The following SGCZ variants were observed in gnomAD, a reference collection of about 807,000 sequenced individuals.
SGCZ encodes the protein sarcoglycan zeta, also known as zeta-sarcoglycan.
SGCZ carries 40 observed loss-of-function variants against 41.3 expected under a neutral mutation model. The ratio of observed to expected loss-of-function variants is 0.97; its 90% CI spans 0.75 to 1.26. The LOEUF (loss-of-function observed/expected upper bound fraction) is 1.26. SGCZ is among the 50% of genes most tolerant of loss of function. SGCZ has a pLI of 0.00. For synonymous variants in SGCZ, 206 were observed against 137.5 expected (o/e 1.50, Z -3.49); for missense variants, 552 against 369.8 (o/e 1.49, Z -4.04).
chr8:15,169,421 G>T (rs1171535180), intron 1 of SGCZ, among the ~76,000 whole-genome samples: 3 of 152,090 alleles, frequency 2.0e-5, no homozygotes, highest in Non-Finnish European at 4.4e-5. Flanking sequence ...TCTCTAGCAG[G>T]GACTCCAGTC....
At chr8:14,588,915 T>A (rs927592981) in intron 1 of SGCZ, among the ~76,000 whole-genome samples, 1 of 152,232 alleles carries the variant, frequency 6.6e-6, no homozygotes, top group Non-Finnish European at 1.5e-5. Flanking sequence ...TACCTCTGAC[T>A]ATGACATGGA....
intron 1 of SGCZ, among the ~76,000 whole-genome samples, chr8:14,808,564 A>G (rs1248764942): frequency 6.6e-6 from 1 of 152,198 alleles, no homozygotes; most frequent in Non-Finnish European, 1.5e-5. Context: ...GGCGATCATT[A>G]AAAAGTCAGG....
Position 14,409,767 on chromosome 8 carries a change from T to C in SGCZ, c.235-85563A>G, listed in dbSNP as rs184766207. Among the ~76,000 whole-genome samples the C allele has an allele frequency of 2.0e-4, 30 of 152,276 alleles. No homozygotes were observed. In the East Asian group the frequency reaches 5.4e-3, roughly 27 times the overall value. ...TAAATAAAATCTACTGATATACATA[T>C]ATAGCAACACATACTTGGAAAGTAG... On this transcript the variant is annotated intron_variant, in intron 2 of 7. Coordinates refer to ENST00000382080, the MANE Select transcript of SGCZ (RefSeq NM_139167.4).
In SGCZ at chr8:14,615,078, T is replaced by C. The variant is rs139752696; in HGVS notation, c.40-60152A>G. Among the ~76,000 whole-genome samples, 1,352 of 152,188 alleles carry C rather than the reference T, an allele frequency of 8.9e-3. 20 individuals are homozygous for C. The highest frequency in any genetic ancestry group is 0.031 in the African/African-American group (1,275 of 41,522). On this transcript the variant is annotated intron_variant, in intron 1 of 7. Transcript: ENST00000382080. ...TGAATTTTGTGAAAGTTTAACACAA[T>C]GTAAAAAACATTTATAGTAGACATA...
intron 1 of SGCZ, among the ~76,000 whole-genome samples, chr8:14,964,512 C>A (rs1403254932): frequency 6.6e-6 from 1 of 152,180 alleles, no homozygotes; most frequent in African/African-American, 2.4e-5. Flanking sequence ...GCAGGAATTT[C>A]ATTAGCGCAA....
intron 1 of SGCZ, among the ~76,000 whole-genome samples, chr8:15,149,711 C>CAAAAAAA (rs750167614): frequency 1.6e-4 from 9 of 57,244 alleles, no homozygotes; most frequent in East Asian, 6.9e-4. Flanking sequence ...CTATAAACTA[C>CAAAAAAA]AAAAAAAAAA....
chr8:14,429,033 T>G (rs1038982641), intron 2 of SGCZ, among the ~76,000 whole-genome samples: 6 of 152,258 alleles, frequency 3.9e-5, no homozygotes, highest in Admixed American at 1.3e-4. Context: ...CTGGCAAAGG[T>G]GTTGTGAAGA....
At chr8:15,041,962 G>A (rs757756616) in intron 1 of SGCZ, among the ~76,000 whole-genome samples, 13 of 152,004 alleles carry the variant, frequency 8.6e-5, no homozygotes, top group Non-Finnish European at 1.5e-4. Context: ...ACACAACGCT[G>A]TACATAAGAT....
chr8:14,090,339 C>T lies in SGCZ; in HGVS notation c.*104G>A. ...TCACACTGGAAGTTGCTCTGTGGAC[C>T]ATTCGAAGAAGCTCTGGACTGATCA... On this transcript the variant is annotated 3_prime_UTR_variant, in exon 8 of 8. Transcript: ENST00000382080. 8.1e-7 allele frequency: 1 copy of T among 1,234,758 alleles called. No individual in the cohort carries two copies. Among genetic ancestry groups the T allele is most frequent in the East Asian group, 2.4e-5 (1 of 41,914 alleles). The allele number at this position is 1,234,758 out of a possible 1,614,324, so 76.5% of individuals were successfully genotyped here.
intron 2 of SGCZ, among the ~76,000 whole-genome samples, chr8:14,504,024 C>G (rs1278226801): frequency 2.0e-5 from 3 of 152,078 alleles, no homozygotes; most frequent in African/African-American, 7.2e-5. Context: ...AACATTTTAT[C>G]TGCCCTTTAT....
At chr8:14,159,293 G>A (rs1233830108) in intron 5 of SGCZ, among the ~76,000 whole-genome samples, 1 of 152,068 alleles carries the variant, frequency 6.6e-6, no homozygotes, top group East Asian at 1.9e-4. Context: ...CCTCTTTTAT[G>A]ACTGTTCTCC....
At chr8:14,537,240 G>A (rs56779973) in intron 2 of SGCZ, among the ~76,000 whole-genome samples, 6,498 of 151,944 alleles carry the variant, frequency 0.043, 153 homozygotes, top group African/African-American at 0.066. Flanking sequence ...CATCTTGGGA[G>A]CACACATGAA....
chr8:14,810,564 A>C (rs1023640846), intron 1 of SGCZ, among the ~76,000 whole-genome samples: 6 of 152,066 alleles, frequency 3.9e-5, no homozygotes, highest in African/African-American at 1.2e-4. Context: ...ATTTATTATC[A>C]AACAAAAATC....
intron 2 of SGCZ, among the ~76,000 whole-genome samples, chr8:14,361,982 G>C (rs1237782172): frequency 6.6e-6 from 1 of 152,278 alleles, no homozygotes; most frequent in East Asian, 1.9e-4. Flanking sequence ...GTCAACTCCA[G>C]ACCCTGCTTG....
chr8:14,415,222 A>G (rs934049507), intron 2 of SGCZ, among the ~76,000 whole-genome samples: 16 of 151,936 alleles, frequency 1.1e-4, no homozygotes, highest in African/African-American at 3.9e-4. Context: ...ATTTAAATAT[A>G]AATACATGTT....
chr8:14,135,654 TG>T (rs1223044707), intron 5 of SGCZ, among the ~76,000 whole-genome samples: 2 of 152,034 alleles, frequency 1.3e-5, no homozygotes, highest in African/African-American at 4.8e-5. Context: ...AACTTGAATT[TG>T]TAACTGAATT....
intron 4 of SGCZ, among the ~76,000 whole-genome samples, chr8:14,216,815 T>A (rs997212409): frequency 3.9e-4 from 60 of 152,190 alleles, no homozygotes; most frequent in African/African-American, 1.3e-3. Context: ...AAGAAAAGCA[T>A]GTTATCTTGC....
intron 7 of SGCZ, among the ~76,000 whole-genome samples, chr8:14,101,716 A>T (rs1802027103): frequency 6.6e-6 from 1 of 151,696 alleles, no homozygotes; most frequent in South Asian, 2.1e-4. Context: ...CTTTCTATGG[A>T]AACAAACAAC....
At chr8:15,033,209 C>T (rs950677355) in intron 1 of SGCZ, among the ~76,000 whole-genome samples, 12 of 151,796 alleles carry the variant, frequency 7.9e-5, no homozygotes, top group Admixed American at 3.3e-4. Flanking sequence ...CCCTGTGGCC[C>T]TAGGAATCAG....
Sources: allele counts gnomAD v4.1 joint callset (sites outside exome capture counted in the v4.1 genomes callset), GRCh38; gene constraint gnomAD v4.1.1; transcripts MANE v1.5; gene names NCBI Gene and HGNC (gene_info 2026-07-23, HGNC 2026-07-21).